BAZ2B: variants seen among roughly 807,000 people sequenced by gnomAD.
BAZ2B encodes bromodomain adjacent to zinc finger domain 2B.
A neutral mutation model predicts 246.0 loss-of-function variants in BAZ2B; 91 were observed. That is an observed-to-expected ratio of 0.37 (90% CI 0.31 to 0.44). The LOEUF (loss-of-function observed/expected upper bound fraction) is 0.44, where lower values mean the gene tolerates loss of function less well. BAZ2B is among the 20% of genes least tolerant of loss of function. The probability of loss-of-function intolerance (pLI) is 1.00; values close to 1 mark genes in which losing one functional copy is unlikely to be tolerated. For synonymous variants in BAZ2B, 855 were observed against 860.0 expected, an observed-to-expected ratio of 0.99 and a Z score of 0.10; for missense variants, 2,332 against 2,533.7, an observed-to-expected ratio of 0.92 and a Z score of 1.71.
intron 3 of BAZ2B, among the ~76,000 whole-genome samples, chr2:159,466,933 C>A (rs575856773): frequency 1.1e-4 from 16 of 152,144 alleles, no homozygotes; most frequent in Non-Finnish European, 1.9e-4. Context: ...CTTACAGACA[C>A]ACCCAGAAAT....
At position 159,501,232 on chromosome 2, in the gene BAZ2B, AT is replaced by A. The variant is rs1188230287; in HGVS notation, c.-2-22512del. 7.2e-3 allele frequency among the ~76,000 whole-genome samples: 837 copies of A among 116,480 alleles called. 19 individuals carry two copies. The highest frequency in any genetic ancestry group is 0.02 in the Middle Eastern group (5 of 256). 76.4% of individuals were successfully genotyped at this position (116,480 alleles called of 152,430 possible). ...ATATATATTATATATATATTTATAT[AT>A]ATATATATAAAGTAGCTGAGCATGG... On this transcript the variant is annotated intron_variant, in intron 2 of 36. Transcript: ENST00000392783.
At chr2:159,382,098 G>C (rs2062057146) in intron 25 of BAZ2B, among the ~76,000 whole-genome samples, 1 of 152,046 alleles carries the variant, frequency 6.6e-6, no homozygotes, top group Non-Finnish European at 1.5e-5. Flanking sequence ...AATTGAGATG[G>C]GACTTTCAGT....
intron 2 of BAZ2B, among the ~76,000 whole-genome samples, chr2:159,511,016 T>A (rs2082865050): frequency 6.6e-6 from 1 of 152,230 alleles, no homozygotes; most frequent in Admixed American, 6.5e-5. Flanking sequence ...TATTTGTTTA[T>A]ACTTTATTTA....
At chr2:159,437,293 C>T (rs1266102531) in intron 8 of BAZ2B, 1 of 151,912 alleles carries the variant, frequency 6.6e-6, no homozygotes, top group Non-Finnish European at 1.5e-5. Context: ...GTAAAATCAA[C>T]AGCAAGAAAA....
intron 2 of BAZ2B, among the ~76,000 whole-genome samples, chr2:159,529,311 T>TAA (rs1298431951): frequency 7.0e-6 from 1 of 143,136 alleles, no homozygotes; most frequent in Admixed American, 7.0e-5. Flanking sequence ...ATCTTCTCTT[T>TAA]AAAAAAAAAA....
intron 3 of BAZ2B, among the ~76,000 whole-genome samples, chr2:159,474,246 T>C (rs2078209018): frequency 6.6e-6 from 1 of 152,240 alleles, no homozygotes. Flanking sequence ...TGCGCCTGTA[T>C]TGGATGCATA....
intron 13 of BAZ2B, among the ~76,000 whole-genome samples, chr2:159,426,162 T>C (rs2069816926): frequency 6.6e-6 from 1 of 152,196 alleles, no homozygotes; most frequent in African/African-American, 2.4e-5. Context: ...AACAAGACAG[T>C]ATGCATTTGG....
intron 10 of BAZ2B, 148 bp downstream of exon 10, chr2:159,430,715 G>T: frequency 7.6e-7 from 1 of 1,315,176 alleles, no homozygotes; most frequent in Non-Finnish European, 1.0e-6. Flanking sequence ...CATATCCTTT[G>T]AAAATACAGG....
At chr2:159,656,591 T>C in the BAZ2B span, among the ~76,000 whole-genome samples, 2 of 152,198 alleles carry the variant, frequency 1.3e-5, no homozygotes, top group Non-Finnish European at 2.9e-5. Context: ...TTAAACAGTA[T>C]GTAACCTTTT....
intron 1 of BAZ2B, among the ~76,000 whole-genome samples, chr2:159,611,341 C>T (rs1694680695): frequency 6.6e-6 from 1 of 151,824 alleles, no homozygotes; most frequent in South Asian, 2.1e-4. Flanking sequence ...TCTACCTCAA[C>T]AAAAATATGT....
intron 25 of BAZ2B, among the ~76,000 whole-genome samples, chr2:159,375,194 C>G (rs115573145): frequency 6.6e-6 from 1 of 152,080 alleles, no homozygotes; most frequent in Non-Finnish European, 1.5e-5. Context: ...CAGACCCTAT[C>G]CCCAGAAGAA....
intron 2 of BAZ2B, among the ~76,000 whole-genome samples, chr2:159,504,796 T>C (rs1485743645): frequency 2.0e-5 from 3 of 152,210 alleles, no homozygotes; most frequent in Admixed American, 2.0e-4. Flanking sequence ...AGATAATTTT[T>C]ATATAAATAT....
chr2:159,466,911 T>C (rs1190704970), intron 3 of BAZ2B, among the ~76,000 whole-genome samples: 2 of 152,124 alleles, frequency 1.3e-5, no homozygotes, highest in African/African-American at 4.8e-5. Context: ...ACTGATTCAA[T>C]TGCTAAACAC....
intron 34 of BAZ2B, among the ~76,000 whole-genome samples, chr2:159,328,551 C>T (rs574614827): frequency 3.3e-5 from 5 of 152,268 alleles, no homozygotes; most frequent in Non-Finnish European, 7.4e-5. Flanking sequence ...GGTTCTGGAA[C>T]ATGGGGCCCA....
chr2:159,448,499 A>T, intron 4 of BAZ2B, 90 bp from the exon 5 acceptor site: 20 of 1,439,904 alleles, frequency 1.4e-5, no homozygotes, highest in Non-Finnish European at 1.8e-5. Context: ...ATTTAAAAAA[A>T]TTTCAAGTTT....
At chr2:159,389,129 A>C (rs11693015) in intron 21 of BAZ2B, among the ~76,000 whole-genome samples, 45,341 of 128,148 alleles carry the variant, frequency 0.35, 7,374 homozygotes, top group Middle Eastern at 0.54. Context: ...AACCAACCAA[A>C]CAAACAAACA....
chr2:159,618,094 G>A (rs918083374), upstream of BAZ2B, among the ~76,000 whole-genome samples: 1 of 152,192 alleles, frequency 6.6e-6, no homozygotes, highest in Admixed American at 6.5e-5. Context: ...CAGCAAAGCT[G>A]TGCTAGCACT....
intron 3 of BAZ2B, among the ~76,000 whole-genome samples, chr2:159,455,185 T>G (rs1400252699): frequency 6.6e-6 from 1 of 152,106 alleles, no homozygotes; most frequent in Non-Finnish European, 1.5e-5. Flanking sequence ...TGTTTGAAAT[T>G]TACAAATGTA....
intron 20 of BAZ2B, among the ~76,000 whole-genome samples, chr2:159,395,150 G>A (rs991897790): frequency 1.3e-5 from 2 of 152,034 alleles, no homozygotes; most frequent in Admixed American, 1.3e-4. Context: ...AACCAGCAGG[G>A]GAACCTGTGT....
Sources: allele counts gnomAD v4.1 joint callset (sites outside exome capture counted in the v4.1 genomes callset), GRCh38; gene constraint gnomAD v4.1.1; transcripts MANE v1.5; gene names NCBI Gene and HGNC (gene_info 2026-07-23, HGNC 2026-07-21).